The following ACVR2A variants were observed in gnomAD, a reference collection of about 807,000 sequenced individuals.
ACVR2A encodes activin receptor type-2A.
A neutral mutation model predicts 61.4 loss-of-function variants in ACVR2A; 7 were observed. The observed-to-expected ratio is 0.11, with a 90% CI of 0.06 to 0.21. The LOEUF is 0.21. Ranked by LOEUF, ACVR2A falls within the 10% of genes least tolerant of loss-of-function variation. The pLI, the probability that ACVR2A is intolerant of heterozygous loss-of-function variation, is 1.00. For synonymous variants in ACVR2A, 193 were observed against 208.3 expected, an observed-to-expected ratio of 0.93 and a Z score of 0.63; for missense variants, 322 against 621.7, an observed-to-expected ratio of 0.52 and a Z score of 5.13.
At chr2:147,882,984 T>C (rs1686344822) in intron 1 of ACVR2A, among the ~76,000 whole-genome samples, 2 of 152,202 alleles carry the variant, frequency 1.3e-5, no homozygotes, top group Admixed American at 1.3e-4. Flanking sequence ...TTCTCTTTCT[T>C]CATATATCTA....
At chr2:147,844,689 T>C (rs1238854539), upstream of ACVR2A, 1 of 149,896 alleles carries the variant, frequency 6.7e-6, no homozygotes, top group Non-Finnish European at 1.5e-5. Context: ...CCTCGGACTT[T>C]AGGTGTCTGG....
chr2:147,849,559 C>T (rs2105129677), intron 1 of ACVR2A, among the ~76,000 whole-genome samples: 1 of 152,298 alleles, frequency 6.6e-6, no homozygotes, highest in South Asian at 2.1e-4. Flanking sequence ...TGATCTATTG[C>T]AGATCGTTTC....
rs764770473 is a variant in ACVR2A, at chr2:147,899,694, T to C, written c.374-50T>C. On this transcript the variant is annotated intron_variant, in intron 3 of 10. Transcript: ENST00000241416. ...TTGAGACTATGACAGATATTTATTATAGAATTTTGTAGACCAAATCTGAGT... is the reference window on the plus strand; with the variant it reads ...TTGAGACTATGACAGATATTTATTACAGAATTTTGTAGACCAAATCTGAGT... 1.6e-5 allele frequency: 26 copies of C among 1,601,514 alleles called. No homozygotes were observed. The East Asian group carries it at 2.7e-4, about 17-fold the overall frequency.
At chr2:147,923,899 T>G (rs1687443034) in intron 9 of ACVR2A, among the ~76,000 whole-genome samples, 1 of 152,134 alleles carries the variant, frequency 6.6e-6, no homozygotes, top group Non-Finnish European at 1.5e-5. Flanking sequence ...TTATAACCAA[T>G]GTAACCTATG....
At chr2:147,923,697 T>A (rs1353509723) in intron 9 of ACVR2A, among the ~76,000 whole-genome samples, 1 of 152,144 alleles carries the variant, frequency 6.6e-6, no homozygotes, top group Non-Finnish European at 1.5e-5. Flanking sequence ...TACTCCTTCA[T>A]AAGGTCTTTA....
intron 1 of ACVR2A, among the ~76,000 whole-genome samples, chr2:147,865,426 C>T (rs1685829269): frequency 6.6e-6 from 1 of 152,040 alleles, no homozygotes; most frequent in Non-Finnish European, 1.5e-5. Context: ...TATGAATTGA[C>T]TTTTCTATAA....
rs142988273 is a variant in ACVR2A at position 147,915,232 on chromosome 2, A to G, written c.570A>G (p.Lys190=). ...CACCTTCTCCATTACTAGGTTTGAA[A>G]CCACTGCAGTTATTAGAAGTGAAAG... ...PPPPSPLLGL[K]PLQLLEVKAR... The change falls in exon 5 of 11, where the codon AAA becomes AAG. Residue 190 remains lysine (K), a synonymous_variant. Transcript: ENST00000241416. 9.7e-5 allele frequency: 156 copies of G among 1,612,304 alleles called. No individual in the cohort carries two copies. The highest frequency in any genetic ancestry group is 1.7e-4 in the Middle Eastern group (1 of 6,048).
chr2:147,871,647 G>T (rs1015764336), intron 1 of ACVR2A, among the ~76,000 whole-genome samples: 3 of 152,052 alleles, frequency 2.0e-5, no homozygotes, highest in African/African-American at 7.2e-5. Flanking sequence ...CTTATGCCTT[G>T]CACTGCCTTT....
chr2:147,916,090 G>A (rs1162728456), intron 5 of ACVR2A, among the ~76,000 whole-genome samples: 1 of 151,804 alleles, frequency 6.6e-6, no homozygotes, highest in Non-Finnish European at 1.5e-5. Context: ...TATCATATAA[G>A]CAGTTTCTTT....
intron 1 of ACVR2A, among the ~76,000 whole-genome samples, chr2:147,883,273 C>T (rs1310905781): frequency 6.6e-6 from 1 of 152,200 alleles, no homozygotes; most frequent in Non-Finnish European, 1.5e-5. Flanking sequence ...TCACCACAAC[C>T]TCCATCTCTC....
chr2:147,863,460 C>A (rs765411386), intron 1 of ACVR2A, among the ~76,000 whole-genome samples: 3 of 152,132 alleles, frequency 2.0e-5, no homozygotes, highest in Admixed American at 6.5e-5. Context: ...CAGAAGTTAA[C>A]TAATAATACC....
At chr2:147,856,326 A>G (rs1685572631) in intron 1 of ACVR2A, among the ~76,000 whole-genome samples, 1 of 152,198 alleles carries the variant, frequency 6.6e-6, no homozygotes, top group Non-Finnish European at 1.5e-5. Flanking sequence ...GAATTTAAAA[A>G]ATATAATGGT....
chr2:147,881,631 GTGTGTGTGTGTA>G (rs778942360), intron 1 of ACVR2A, among the ~76,000 whole-genome samples: 7,336 of 118,564 alleles, frequency 0.062, 379 homozygotes, highest in Admixed American at 0.14. Flanking sequence ...GTGTGTGTGT[GTGTGTGTGTGTA>G]TGTGTGTGTG....
chr2:147,876,435 T>C (rs1022850748), intron 1 of ACVR2A, among the ~76,000 whole-genome samples: 5 of 152,086 alleles, frequency 3.3e-5, no homozygotes, highest in African/African-American at 1.2e-4. Context: ...TTCTTTTAGG[T>C]ATTTACCCCA....
chr2:147,862,102 C>T (rs867344929), intron 1 of ACVR2A, among the ~76,000 whole-genome samples: 1 of 152,108 alleles, frequency 6.6e-6, no homozygotes, highest in Non-Finnish European at 1.5e-5. Context: ...TGCTTTCTGG[C>T]TTTTAGAGAG....
chr2:147,889,637 C>CA (rs1686531415), intron 1 of ACVR2A, among the ~76,000 whole-genome samples: 1 of 151,732 alleles, frequency 6.6e-6, no homozygotes, highest in African/African-American at 2.4e-5. Flanking sequence ...GTCCCAGCTA[C>CA]TTGGGAGGCT....
At chr2:147,885,526 A>G (rs1057469180) in intron 1 of ACVR2A, among the ~76,000 whole-genome samples, 11 of 152,168 alleles carry the variant, frequency 7.2e-5, no homozygotes, top group Non-Finnish European at 1.6e-4. Flanking sequence ...AAGCAGTTAC[A>G]TTGTGAAGAT....
chr2:147,923,635 C>T (rs1388158918), intron 9 of ACVR2A, among the ~76,000 whole-genome samples: 10 of 152,018 alleles, frequency 6.6e-5, no homozygotes, highest in Admixed American at 2.6e-4. Context: ...AATTTTCAGA[C>T]GATATTTCCA....
chr2:147,849,744 G>A (rs1370959004), intron 1 of ACVR2A, among the ~76,000 whole-genome samples: 1 of 152,122 alleles, frequency 6.6e-6, no homozygotes, highest in Admixed American at 6.5e-5. Context: ...CACAAATGGT[G>A]TCCAAATGAG....
Sources: allele counts gnomAD v4.1 joint callset (sites outside exome capture counted in the v4.1 genomes callset), GRCh38; gene constraint gnomAD v4.1.1; transcripts MANE v1.5; gene names NCBI Gene and HGNC (gene_info 2026-07-23, HGNC 2026-07-21).